OGT: variants seen among roughly 807,000 people sequenced by gnomAD.
OGT encodes the protein O-linked N-acetylglucosamine (GlcNAc) transferase.
A neutral mutation model predicts 75.8 loss-of-function variants in OGT; 3 were observed. That is an observed-to-expected ratio of 0.04 (90% CI 0.02 to 0.10). The LOEUF is 0.10. Ranked by LOEUF, OGT falls within the 10% of genes least tolerant of loss-of-function variation. The pLI, the probability that OGT is intolerant of heterozygous loss-of-function variation, is 1.00. For missense variants in OGT, 260 were observed against 824.4 expected (o/e 0.32, Z 8.38); for synonymous variants, 257 against 289.7 (o/e 0.89, Z 1.15).
At chrX:71,560,587 A>C (rs2040376576) in intron 14 of OGT, among the ~76,000 whole-genome samples, 1 of 111,973 alleles carries the variant, frequency 8.9e-6, no homozygotes, top group African/African-American at 3.2e-5. Flanking sequence ...TATATGTATA[A>C]ATATACATGT....
chrX:71,566,093 A>T (rs1286798337), intron 19 of OGT, among the ~76,000 whole-genome samples: 1 of 112,160 alleles, frequency 8.9e-6, no homozygotes, highest in East Asian at 2.8e-4. Flanking sequence ...TCTGGAGATA[A>T]TTCCTTGGTT....
intron 12 of OGT, among the ~76,000 whole-genome samples, chrX:71,558,765 CTTTTTTTTTTTT>C (rs397895020): frequency 8.1e-5 from 5 of 61,478 alleles, no homozygotes; most frequent in South Asian, 9.8e-4. Context: ...TTTGCTCGTA[CTTTTTTTTTTTT>C]TTTTTTTTTT....
intron 18 of OGT, among the ~76,000 whole-genome samples, chrX:71,564,363 G>A (rs991511828): frequency 8.9e-6 from 1 of 112,150 alleles, no homozygotes; most frequent in Non-Finnish European, 1.9e-5. Context: ...ATCAAAAGCT[G>A]TTGGAACGTT....
chrX:71,545,784 T>C (rs1463357635), intron 4 of OGT: 1 of 112,795 alleles, frequency 8.9e-6, no homozygotes, highest in Non-Finnish European at 1.9e-5. Flanking sequence ...TCTTAGCTGA[T>C]AAATCTAATT....
rs555351089 is a variant in OGT, at chrX:71,561,684, C to T, written c.1852-91C>T. 345 of 685,854 alleles carry T rather than the reference C, an allele frequency of 5.0e-4. 6 individuals are homozygous for T. In the South Asian group the frequency reaches 0.011, roughly 23 times the overall value. The allele number at this position is 685,854 out of a possible 1,213,427, so 56.5% of individuals were successfully genotyped here. ...CTGGGAATCTGAATTATGTTAAATGCCATTAAAACTAAATGCCATTAAAAC... is the reference window on the plus strand; with the variant it reads ...CTGGGAATCTGAATTATGTTAAATGTCATTAAAACTAAATGCCATTAAAAC... On this transcript the variant is annotated intron_variant, in intron 14 of 21. Transcript: ENST00000373719.
In OGT at chrX:71,563,345, G is replaced by A. The variant is rs1417804457; in HGVS notation, c.2282G>A (p.Gly761Glu). 8.3e-7 allele frequency: 1 copy of A among 1,209,021 alleles called. No individual in the cohort carries two copies. The change falls in exon 18 of 22, where the codon GGA (glycine) becomes GAA (glutamate). Residue 761 changes from glycine (G) to glutamate (E), a missense_variant. This residue lies in a region of OGT where 79 missense variants were observed against 141.0 expected (regional missense o/e 0.56). Coordinates refer to ENST00000373719, the MANE Select transcript of OGT (RefSeq NM_181672.3). ...VKIVKMKCPD[G>E]GDNADSSNTA... ...TTTTTTCAGATGAAGTGTCCTGATG[G>A]AGGAGACAATGCAGATAGCAGTAAC...
At chrX:71,567,372 A>G (rs1338848040) in intron 19 of OGT, 128 bp from the exon 20 acceptor site, 3 of 471,622 alleles carry the variant, frequency 6.4e-6, no homozygotes, top group Non-Finnish European at 1.0e-5. Flanking sequence ...GGAAAGACTT[A>G]AGTCCACAGC....
intron 21 of OGT, 58 bp downstream of exon 21, chrX:71,568,174 A>C: frequency 9.7e-7 from 1 of 1,026,639 alleles, no homozygotes; most frequent in East Asian, 3.1e-5. Flanking sequence ...TATAGCTGTT[A>C]TAAAATGAAA....
intron 3 of OGT, among the ~76,000 whole-genome samples, chrX:71,541,798 G>A (rs767093477): frequency 9.1e-6 from 1 of 109,922 alleles, no homozygotes; most frequent in African/African-American, 3.3e-5. Context: ...GTATGTACGT[G>A]TCTAGATGTT....
chrX:71,542,704 A>T (rs778710977), intron 3 of OGT, among the ~76,000 whole-genome samples: 1 of 112,421 alleles, frequency 8.9e-6, no homozygotes, highest in Non-Finnish European at 1.9e-5. Flanking sequence ...GTATAACCAC[A>T]ATTATCAAGT....
At chrX:71,536,139 T>C (rs759440251) in intron 1 of OGT, 39 bp from the exon 2 acceptor site, 31 of 1,127,360 alleles carry the variant, frequency 2.7e-5, no homozygotes, top group Non-Finnish European at 3.7e-5. Flanking sequence ...CTTTTTGTTT[T>C]CCCCCCTCCT....
chrX:71,547,808 T>TTCCC, intron 4 of OGT, 99 bp from the exon 5 acceptor site: 2 of 1,068,203 alleles, frequency 1.9e-6, no homozygotes, highest in Non-Finnish European at 2.4e-6. Context: ...ATCACCTTCT[T>TTCCC]CCCCCCCTCC....
intron 3 of OGT, among the ~76,000 whole-genome samples, chrX:71,542,621 T>C (rs191946485): frequency 6.0e-4 from 67 of 111,740 alleles, no homozygotes; most frequent in African/African-American, 2.1e-3. Context: ...ACAGTCATTG[T>C]TGGAGAATTA....
At chrX:71,557,470 T>G in intron 11 of OGT, 23 bp from the exon 12 acceptor site, 1 of 1,193,920 alleles carries the variant, frequency 8.4e-7, no homozygotes, top group Non-Finnish European at 1.1e-6. Flanking sequence ...TTCTGGATAA[T>G]AACTTGTTTT....
intron 2 of OGT, chrX:71,536,664 TC>T: frequency 1.6e-5 from 3 of 193,265 alleles, no homozygotes; most frequent in Non-Finnish European, 1.9e-5. Context: ...GCATCCAGTC[TC>T]CCTTTCATGA....
intron 12 of OGT, 34 bp downstream of exon 12, chrX:71,557,706 A>G: frequency 3.7e-6 from 4 of 1,079,624 alleles, no homozygotes; most frequent in Non-Finnish European, 5.0e-6. Flanking sequence ...TTTTGTTGTA[A>G]ACTAAAACAC....
chrX:71,570,033 G>GTT (rs34416880), intron 21 of OGT, among the ~76,000 whole-genome samples: 18 of 26,518 alleles, frequency 6.8e-4, no homozygotes, highest in African/African-American at 1.7e-3. Context: ...TGTGCCTGGC[G>GTT]TTTTTTTTTT....
chrX:71,534,965 C>T (rs892153248), intron 1 of OGT, among the ~76,000 whole-genome samples: 3 of 111,615 alleles, frequency 2.7e-5, no homozygotes, highest in African/African-American at 9.8e-5. Flanking sequence ...GTATCCGGAA[C>T]GCTCATCAGC....
At chrX:71,534,083 C>G (rs1157044018) in intron 1 of OGT, among the ~76,000 whole-genome samples, 4 of 110,696 alleles carry the variant, frequency 3.6e-5, no homozygotes, top group Admixed American at 9.6e-5. Flanking sequence ...CGCGAGGTTG[C>G]CAGCCCTGTT....
Sources: allele counts gnomAD v4.1 joint callset (sites outside exome capture counted in the v4.1 genomes callset), GRCh38; gene constraint gnomAD v4.1.1; regional missense constraint gnomAD v4.1.1; transcripts MANE v1.5; gene names NCBI Gene and HGNC (gene_info 2026-07-23, HGNC 2026-07-21).